Variants in FRMD6 observed in about 807,000 individuals in gnomAD.
FRMD6 encodes the protein FERM domain containing 6.
In FRMD6, 37 loss-of-function variants were observed where a neutral mutation model predicts 73.2. The ratio of observed to expected loss-of-function variants is 0.51; its 90% confidence interval spans 0.39 to 0.66. The LOEUF (loss-of-function observed/expected upper bound fraction) is 0.66. Among genes scored for constraint, FRMD6 ranks in the 30% least tolerant of loss-of-function variants. The probability of loss-of-function intolerance (pLI) is 0.00; values close to 1 mark genes in which losing one functional copy is unlikely to be tolerated. For missense variants in FRMD6, 714 were observed against 780.5 expected, an observed-to-expected ratio of 0.91 and a Z score of 1.02; for synonymous variants, 273 against 282.2, an observed-to-expected ratio of 0.97 and a Z score of 0.33.
intron 1 of FRMD6, among the ~76,000 whole-genome samples, chr14:51,666,314 T>C (rs1032684436): frequency 7.2e-5 from 11 of 152,254 alleles, no homozygotes; most frequent in African/African-American, 2.7e-4. Flanking sequence ...ATTTTAGATA[T>C]GCTTCTTCCT....
intron 1 of FRMD6, among the ~76,000 whole-genome samples, chr14:51,560,417 G>T (rs1034306387): frequency 3.3e-5 from 5 of 152,162 alleles, no homozygotes; most frequent in Admixed American, 3.3e-4. Flanking sequence ...AGACAGACAG[G>T]CTTGGTATAA....
intron 1 of FRMD6, among the ~76,000 whole-genome samples, chr14:51,516,090 G>A (rs1884623797): frequency 6.6e-6 from 1 of 152,170 alleles, no homozygotes; most frequent in South Asian, 2.1e-4. Context: ...AGAGGGGAAA[G>A]TGCTTACATG....
chr14:51,633,809 C>T (rs907620816), intron 2 of FRMD6, among the ~76,000 whole-genome samples: 5 of 152,102 alleles, frequency 3.3e-5, no homozygotes, highest in East Asian at 1.9e-4. Flanking sequence ...AAGTTACGTA[C>T]AATACTTCAC....
chr14:51,579,841 C>G (rs1888613068), intron 2 of FRMD6, among the ~76,000 whole-genome samples: 1 of 152,172 alleles, frequency 6.6e-6, no homozygotes, highest in African/African-American at 2.4e-5. Flanking sequence ...CATTTACAAT[C>G]TGACACATGT....
chr14:51,647,260 A>C (rs769001800), upstream of FRMD6, among the ~76,000 whole-genome samples: 4 of 152,152 alleles, frequency 2.6e-5, no homozygotes, highest in Non-Finnish European at 4.4e-5. Context: ...AATCTTCTTG[A>C]GTTAGATTGC....
chr14:51,527,388 AG>A (rs1389953465), intron 1 of FRMD6, among the ~76,000 whole-genome samples: 1 of 152,256 alleles, frequency 6.6e-6, no homozygotes, highest in African/African-American at 2.4e-5. Context: ...ATGGCTAAAC[AG>A]CTTGTCCCCA....
At chr14:51,587,207 G>A (rs1889098116) in intron 2 of FRMD6, among the ~76,000 whole-genome samples, 1 of 152,184 alleles carries the variant, frequency 6.6e-6, no homozygotes, top group Non-Finnish European at 1.5e-5. Context: ...TTGGTTGTTA[G>A]GTATGTGGCT....
chr14:51,515,474 C>A (rs1281444571), intron 1 of FRMD6, among the ~76,000 whole-genome samples: 2 of 152,198 alleles, frequency 1.3e-5, no homozygotes, highest in East Asian at 3.9e-4. Context: ...ACTTCTAGTG[C>A]AACTGGTGCC....
At chr14:51,704,983 C>CG in intron 6 of FRMD6, 48 bp downstream of exon 6, 1 of 1,537,320 alleles carries the variant, frequency 6.5e-7, no homozygotes, top group Non-Finnish European at 8.9e-7. Context: ...TCGGGCATTT[C>CG]TAGTTCGTAG....
At chr14:51,436,256 C>T in the FRMD6 span, 10 of 364,838 alleles carry the variant, frequency 2.7e-5, no homozygotes, top group Admixed American at 3.6e-4. Flanking sequence ...AGAAATATAA[C>T]AAACTCCGTA....
intron 2 of FRMD6, among the ~76,000 whole-genome samples, chr14:51,695,672 A>C (rs1015256580): frequency 6.6e-6 from 1 of 152,190 alleles, no homozygotes. Context: ...ACATTTACTG[A>C]GTGCCTACTA....
intron 1 of FRMD6, among the ~76,000 whole-genome samples, chr14:51,494,911 C>T (rs954840897): frequency 6.6e-6 from 1 of 152,186 alleles, no homozygotes; most frequent in African/African-American, 2.4e-5. Flanking sequence ...TTGATGTTTT[C>T]TCCCAAATAT....
chr14:51,696,640 G>A (rs954341107), intron 2 of FRMD6, among the ~76,000 whole-genome samples: 1 of 151,814 alleles, frequency 6.6e-6, no homozygotes, highest in South Asian at 2.1e-4. Flanking sequence ...GGCTGGGCAT[G>A]GTGTCTCATC....
intron 2 of FRMD6, among the ~76,000 whole-genome samples, chr14:51,574,221 G>T (rs977617983): frequency 6.6e-6 from 1 of 152,122 alleles, no homozygotes; most frequent in African/African-American, 2.4e-5. Flanking sequence ...AGTGAAGGGT[G>T]CAATAGGCTC....
At chr14:51,648,045 G>A (rs975850953), upstream of FRMD6, among the ~76,000 whole-genome samples, 2 of 152,086 alleles carry the variant, frequency 1.3e-5, no homozygotes, top group Non-Finnish European at 2.9e-5. Flanking sequence ...GGCTGGTCTC[G>A]AACTCCTGAC....
At chr14:51,397,023 G>A in the FRMD6 span, 1 of 152,342 alleles carries the variant, frequency 6.6e-6, no homozygotes, top group Non-Finnish European at 1.5e-5. Context: ...TCTCCTAGAA[G>A]TGGGTAGGTT....
chr14:51,667,005 C>G (rs867115011), intron 1 of FRMD6, among the ~76,000 whole-genome samples: 3 of 152,096 alleles, frequency 2.0e-5, no homozygotes, highest in East Asian at 1.9e-4. Context: ...TGTGGTGATG[C>G]GTGCCTGTGG....
At chr14:51,587,533 C>T (rs1052035453) in intron 2 of FRMD6, among the ~76,000 whole-genome samples, 1 of 152,076 alleles carries the variant, frequency 6.6e-6, no homozygotes, top group African/African-American at 2.4e-5. Flanking sequence ...TGCTGTTTCC[C>T]GTGGGGGTGT....
intron 2 of FRMD6, among the ~76,000 whole-genome samples, chr14:51,644,721 ATGATC>A (rs1294569515): frequency 6.6e-6 from 1 of 152,240 alleles, no homozygotes; most frequent in Admixed American, 6.5e-5. Flanking sequence ...GTGTGACAAA[ATGATC>A]CAATATGGAC....
Sources: gnomAD v4.1 joint callset for allele counts (sites outside exome capture counted in the v4.1 genomes callset) on GRCh38, gnomAD v4.1.1 for gene constraint, MANE v1.5 for transcripts, NCBI Gene and HGNC (gene_info 2026-07-23, HGNC 2026-07-21) for gene names.